Variants in IFI44L observed in about 807,000 individuals in gnomAD.
The protein encoded by IFI44L is interferon-induced protein 44-like.
A neutral mutation model predicts 39.3 loss-of-function variants in IFI44L; 40 were observed. That is an observed-to-expected ratio of 1.02 (90% CI 0.79 to 1.33). IFI44L has a LOEUF of 1.33. Ranked by LOEUF, IFI44L falls within the 40% of genes most tolerant of loss-of-function variation. The probability of loss-of-function intolerance (pLI) is 0.00; values close to 1 mark genes in which losing one functional copy is unlikely to be tolerated. For synonymous variants in IFI44L, 198 were observed against 182.3 expected (o/e 1.09, Z -0.69); for missense variants, 623 against 549.0 (o/e 1.13, Z -1.35).
At chr1:78,637,403 T>C (rs1652989867) in intron 6 of IFI44L, among the ~76,000 whole-genome samples, 200 bp downstream of exon 6, 1 of 152,082 alleles carries the variant, frequency 6.6e-6, no homozygotes, top group Non-Finnish European at 1.5e-5. Context: ...AAGAATAGAC[T>C]GGCCAACCAT....
In IFI44L at chr1:78,645,313, C is replaced by T. The variant is rs184223377; in HGVS notation, c.*3504C>T. On this transcript the variant is annotated 3_prime_UTR_variant, in exon 9 of 9. Coordinates refer to ENST00000370751, the MANE Select transcript of IFI44L (RefSeq NM_006820.4). Reference sequence around the variant, plus strand: ...TTGTCTCCATACAGTTGGGTTGTAACCCTCATGCTTGGCCCAAATAAACTC... The same window carrying T: ...TTGTCTCCATACAGTTGGGTTGTAATCCTCATGCTTGGCCCAAATAAACTC... 3.9e-5 allele frequency: 6 copies of T among 152,244 alleles called. No individual in the cohort carries two copies. Among genetic ancestry groups the T allele is most frequent in the Admixed American group, 2.0e-4 (3 of 15,288 alleles). The allele number at this position is 152,244 out of a possible 1,614,324, so 9.4% of individuals were successfully genotyped here.
At position 78,642,954 on chromosome 1, in the gene IFI44L, G is replaced by C. The variant is rs1647005090; in HGVS notation, c.*1145G>C. 2 of 151,650 alleles carry C rather than the reference G, an allele frequency of 1.3e-5. No homozygotes were observed. Among genetic ancestry groups the C allele is most frequent in the African/African-American group, 4.8e-5 (2 of 41,362 alleles). The allele number at this position is 151,650 out of a possible 1,614,324, so 9.4% of individuals were successfully genotyped here. On this transcript the variant is annotated 3_prime_UTR_variant, in exon 9 of 9. Transcript: ENST00000370751. ...TAGCTGTGAAAGCTAGTACTATTAAGAAAGAAAACAAAATTCCCAAAAGAT... is the reference window on the plus strand; with the variant it reads ...TAGCTGTGAAAGCTAGTACTATTAACAAAGAAAACAAAATTCCCAAAAGAT...
chr1:78,633,911 G>A (rs1652845060), intron 4 of IFI44L, among the ~76,000 whole-genome samples: 1 of 152,100 alleles, frequency 6.6e-6, no homozygotes, highest in South Asian at 2.1e-4. Flanking sequence ...ACAAATTTCA[G>A]AGATGAAAAA....
In IFI44L at chr1:78,641,521, C is replaced by G; in HGVS notation, c.1236C>G (p.Pro412=). The part of the protein sequence containing the change: ...GNYASDLELD[P]MKDILILSAL... ...ATGCTTCAGATTTGGAACTGGACCC[C>G]ATGAAGGATATTCTCATCCTCTCTG... Residue 412 remains proline, a synonymous_variant, in exon 8 of 9, where the codon CCC becomes CCG. Transcript: ENST00000370751. 6.2e-7 allele frequency: 1 copy of G among 1,613,628 alleles called. No homozygotes were observed. Among genetic ancestry groups the G allele is most frequent in the Non-Finnish European group, 8.5e-7 (1 of 1,179,692 alleles).
chr1:78,644,219 C>T lies in IFI44L; in HGVS notation c.*2410C>T, dbSNP rs1051246785. The T allele has an allele frequency of 6.6e-6, 1 of 152,120 alleles. No homozygotes were observed. The highest frequency in any genetic ancestry group is 2.1e-4 in the South Asian group (1 of 4,830). 9.4% of individuals were successfully genotyped at this position (152,120 alleles called of 1,614,324 possible). ...AAAAAAATCTGGGCAGAATGTAGGA[C>T]TTCTTTATTTTGTTTAAAGGGGTAA... On this transcript the variant is annotated 3_prime_UTR_variant, in exon 9 of 9. Transcript: ENST00000370751.
At position 78,645,988 on chromosome 1, in the gene IFI44L, G is replaced by A. The variant is rs1330822690; in HGVS notation, c.*4179G>A. The stretch of plus-strand genomic sequence containing the variant: ...CAGTGTAGGCAAAATTGCAAAAATT[G>A]AGGGCACAGGGGTGGAGGTGGGGGG... On this transcript the variant is annotated 3_prime_UTR_variant, in exon 9 of 9. Transcript: ENST00000370751. 1 of 152,174 alleles carries A rather than the reference G, an allele frequency of 6.6e-6. No individual in the cohort carries two copies. The highest frequency in any genetic ancestry group is 1.5e-5 in the Non-Finnish European group (1 of 68,034). The allele number at this position is 152,174 out of a possible 1,614,324, so 9.4% of individuals were successfully genotyped here. A position where few individuals can be genotyped will look rare whatever the true frequency, so the allele number is the denominator to read the frequency against.
intron 2 of IFI44L, chr1:78,628,638 G>C: frequency 1.9e-6 from 1 of 520,920 alleles, no homozygotes; most frequent in Non-Finnish European, 3.4e-6. Context: ...GATGACAAAG[G>C]AGATGGGGAT....
In IFI44L at chr1:78,628,981, G is replaced by A; in HGVS notation, c.509G>A (p.Arg170Lys). The change falls in exon 3 of 9, where the codon AGG becomes AAG. Residue 170 changes from arginine (R) to lysine (K), a missense_variant. Coordinates refer to ENST00000370751, the MANE Select transcript of IFI44L (RefSeq NM_006820.4). ...AAGGATAACCTAGACGACATAAAGA[G>A]GATAATTAAAGCCAGAGAGTAAGTT... ...GIKDNLDDIK[R>K]IIKAREHRNR... 1.3e-6 allele frequency: 2 copies of A among 1,578,176 alleles called. No individual in the cohort carries two copies. The highest frequency in any genetic ancestry group is 2.7e-5 in the African/African-American group (2 of 74,216).
chr1:78,640,960 A>C (rs1330560019), intron 6 of IFI44L, 61 bp from the exon 7 acceptor site: 2 of 1,233,376 alleles, frequency 1.6e-6, no homozygotes, highest in Non-Finnish European at 2.4e-6. Context: ...CACATATTTA[A>C]TAACTTGTTG....
intron 1 of IFI44L, among the ~76,000 whole-genome samples, chr1:78,622,654 G>A (rs1652318852): frequency 6.6e-6 from 1 of 152,130 alleles, no homozygotes; most frequent in Non-Finnish European, 1.5e-5. Flanking sequence ...TGTCTGCTAT[G>A]CTAGGAGATT....
At position 78,641,530 on chromosome 1, in the gene IFI44L, T is replaced by C; in HGVS notation, c.1245T>C (p.Asp415=). Residue 415 remains aspartate (D), a synonymous_variant, in exon 8 of 9, where the codon GAT becomes GAC. Coordinates refer to ENST00000370751, the MANE Select transcript of IFI44L (RefSeq NM_006820.4). Reference sequence around the variant, plus strand: ...ATTTGGAACTGGACCCCATGAAGGATATTCTCATCCTCTCTGCACTGAGGC... The same window carrying C: ...ATTTGGAACTGGACCCCATGAAGGACATTCTCATCCTCTCTGCACTGAGGC... ...ASDLELDPMK[D]ILILSALRQM... 1 of 1,613,808 alleles carries C rather than the reference T, an allele frequency of 6.2e-7. No individual in the cohort carries two copies. Among genetic ancestry groups the C allele is most frequent in the Middle Eastern group, 1.7e-4 (1 of 6,058 alleles).
chr1:78,630,612 A>G (rs1652714802), intron 4 of IFI44L, among the ~76,000 whole-genome samples: 1 of 152,182 alleles, frequency 6.6e-6, no homozygotes, highest in African/African-American at 2.4e-5. Context: ...GGCTTTTTTA[A>G]TGATTACCAC....
chr1:78,625,893 A>G (rs1652466331), intron 1 of IFI44L: 1 of 151,892 alleles, frequency 6.6e-6, no homozygotes, highest in Admixed American at 6.6e-5. Context: ...ATTATTTCAA[A>G]TTATATTTTT....
intron 1 of IFI44L, chr1:78,625,790 T>C (rs1333135514): frequency 1.3e-5 from 2 of 152,022 alleles, no homozygotes; most frequent in South Asian, 2.1e-4. Context: ...ACTTATATGA[T>C]TTTTGTAACA....
chr1:78,641,695 G>A, intron 8 of IFI44L, 80 bp from the exon 9 acceptor site: 1 of 1,603,902 alleles, frequency 6.2e-7, no homozygotes, highest in South Asian at 1.1e-5. Context: ...TAGATGACTG[G>A]GGCCCACCTG....
At position 78,629,735 on chromosome 1, in the gene IFI44L, T is replaced by G; in HGVS notation, c.543T>G (p.Leu181=). The G allele has an allele frequency of 1.2e-6, 2 of 1,611,950 alleles. No homozygotes were observed. The highest frequency in any genetic ancestry group is 1.7e-6 in the Non-Finnish European group (2 of 1,179,032). ...ATTTTAACAGGCACAGAAATAGGCT[T>G]CTAGCAGACATCAGAGACTATAGGC... ...IIKAREHRNR[L]LADIRDYRPY... The change falls in exon 4 of 9, where the codon CTT becomes CTG. Residue 181 remains leucine, a synonymous_variant. Coordinates refer to ENST00000370751, the MANE Select transcript of IFI44L (RefSeq NM_006820.4).
intron 1 of IFI44L, chr1:78,626,850 C>T (rs1325123611): frequency 1.3e-5 from 2 of 151,848 alleles, no homozygotes; most frequent in African/African-American, 4.8e-5. Flanking sequence ...CCATCCTCTC[C>T]TTTCTGAGTC....
At chr1:78,635,009 T>C (rs1322848397) in intron 4 of IFI44L, among the ~76,000 whole-genome samples, 2 of 76,670 alleles carry the variant, frequency 2.6e-5, no homozygotes, top group Non-Finnish European at 4.8e-5. Flanking sequence ...TATGTGTGTG[T>C]GTGTGTGTGT....
At chr1:78,634,692 A>G (rs191750274) in intron 4 of IFI44L, among the ~76,000 whole-genome samples, 112 of 152,290 alleles carry the variant, frequency 7.4e-4, no homozygotes, top group African/African-American at 2.7e-3. Flanking sequence ...TACTCATACT[A>G]TAATGATGGT....
Sources: allele counts gnomAD v4.1 joint callset (sites outside exome capture counted in the v4.1 genomes callset), GRCh38; gene constraint gnomAD v4.1.1; transcripts MANE v1.5; gene names NCBI Gene and HGNC (gene_info 2026-07-23, HGNC 2026-07-21).